KDM6A: variants seen among roughly 807,000 people sequenced by gnomAD.
KDM6A encodes lysine demethylase 6A.
KDM6A carries 11 observed loss-of-function variants against 117.6 expected under a neutral mutation model. The ratio of observed to expected loss-of-function variants is 0.09; its 90% CI spans 0.06 to 0.15. The LOEUF (loss-of-function observed/expected upper bound fraction) is 0.15, where lower values mean the gene tolerates loss of function less well. Among genes scored for constraint, KDM6A ranks in the 10% least tolerant of loss-of-function variants. The pLI is 1.00. For synonymous variants in KDM6A, 384 were observed against 396.1 expected (o/e 0.97, Z 0.36); for missense variants, 799 against 1,077.3 (o/e 0.74, Z 3.62).
intron 2 of KDM6A, among the ~76,000 whole-genome samples, chrX:44,891,628 T>C (rs939215237): frequency 1.8e-5 from 2 of 111,946 alleles, no homozygotes; most frequent in Admixed American, 9.6e-5. Context: ...AGGCCATTTT[T>C]ATACTTTCTG....
chrX:45,060,123 C>T lies in KDM6A; in HGVS notation c.1296C>T (p.Thr432=), dbSNP rs2147966571. 2 of 1,211,580 alleles carry T rather than the reference C, an allele frequency of 1.7e-6. No homozygotes were observed. Among genetic ancestry groups the T allele is most frequent in the Non-Finnish European group, 2.2e-6 (2 of 895,402 alleles). The part of the protein sequence containing the change: ...AWSLPIPAEL[T]SRQGAMNTAQ... ...GCCTACCAATTCCCGCAGAGCTTAC[C>T]TCCAGGCAGGGTGCCATGAACACAG... The change falls in exon 13 of 30, where the codon ACC becomes ACT. Residue 432 remains threonine (T), a synonymous_variant. Transcript: ENST00000611820.
chrX:44,892,854 T>G (rs1344327132), intron 2 of KDM6A, among the ~76,000 whole-genome samples: 7 of 107,858 alleles, frequency 6.5e-5, no homozygotes, highest in Admixed American at 4.0e-4. Context: ...AATACAAAAG[T>G]TAGCCAGGCG....
At chrX:45,080,140 T>G (rs185434551) in intron 21 of KDM6A, among the ~76,000 whole-genome samples, 1 of 111,028 alleles carries the variant, frequency 9.0e-6, no homozygotes, top group African/African-American at 3.3e-5. Flanking sequence ...AACTACTGAT[T>G]TAGAGGATAA....
chrX:45,022,945 G>A (rs1040498828), intron 6 of KDM6A, among the ~76,000 whole-genome samples: 3 of 112,249 alleles, frequency 2.7e-5, no homozygotes, highest in Non-Finnish European at 3.8e-5. Flanking sequence ...TCTGCTTAGT[G>A]TAATGCTGGC....
intron 6 of KDM6A, among the ~76,000 whole-genome samples, chrX:45,024,961 T>C (rs751914483): frequency 4.5e-5 from 5 of 112,193 alleles, no homozygotes; most frequent in Non-Finnish European, 9.4e-5. Context: ...TATGGTGTTA[T>C]TTTTACATTA....
intron 18 of KDM6A, among the ~76,000 whole-genome samples, chrX:45,074,276 TCTG>T (rs1462576245): frequency 1.8e-5 from 2 of 111,645 alleles, no homozygotes; most frequent in Non-Finnish European, 3.8e-5. Flanking sequence ...TGGTCCAAAA[TCTG>T]CTTCTTTCTT....
At chrX:45,050,751 C>G (rs1290959581) in intron 8 of KDM6A, among the ~76,000 whole-genome samples, 1 of 110,254 alleles carries the variant, frequency 9.1e-6, no homozygotes, top group South Asian at 3.8e-4. Flanking sequence ...GGTTTGTAAC[C>G]ATAGCAATAA....
chrX:44,914,807 G>A (rs1383007152), intron 2 of KDM6A, among the ~76,000 whole-genome samples: 1 of 110,488 alleles, frequency 9.1e-6, no homozygotes, highest in African/African-American at 3.3e-5. Context: ...AAAGTGGGTG[G>A]CATTAGCAAA....
intron 3 of KDM6A, among the ~76,000 whole-genome samples, chrX:44,962,744 T>C (rs2038742260): frequency 8.9e-6 from 1 of 112,109 alleles, no homozygotes; most frequent in Non-Finnish European, 1.9e-5. Context: ...AGTAGCATTA[T>C]GTCTAAAAAA....
chrX:45,043,769 CTG>C (rs955717721), intron 8 of KDM6A, among the ~76,000 whole-genome samples: 2 of 110,204 alleles, frequency 1.8e-5, no homozygotes, highest in African/African-American at 6.6e-5. Context: ...CAGAGTGAGA[CTG>C]TTTAAAGAAA....
intron 8 of KDM6A, among the ~76,000 whole-genome samples, chrX:45,042,392 A>G (rs1479747642): frequency 9.1e-6 from 1 of 109,301 alleles, no homozygotes; most frequent in African/African-American, 3.4e-5. Flanking sequence ...TTATTAGGTG[A>G]CACTGTAAGT....
At chrX:44,881,602 T>A (rs1306694232) in intron 2 of KDM6A, among the ~76,000 whole-genome samples, 1 of 111,543 alleles carries the variant, frequency 9.0e-6, no homozygotes, top group Non-Finnish European at 1.9e-5. Context: ...TTTGTTTACT[T>A]CTGTATATTA....
chrX:44,931,973 T>G (rs541816267), intron 2 of KDM6A, among the ~76,000 whole-genome samples: 1 of 110,051 alleles, frequency 9.1e-6, no homozygotes, highest in South Asian at 3.9e-4. Context: ...GGATGCCTGC[T>G]TGAACCTGCT....
chrX:45,073,049 T>C (rs1482935125), intron 18 of KDM6A, among the ~76,000 whole-genome samples: 1 of 109,229 alleles, frequency 9.2e-6, no homozygotes, highest in East Asian at 2.9e-4. Flanking sequence ...CAGGCCCCGG[T>C]GTGTGATGTT....
At chrX:45,095,582 G>C (rs1017387432) in intron 27 of KDM6A, among the ~76,000 whole-genome samples, 1 of 111,701 alleles carries the variant, frequency 9.0e-6, no homozygotes, top group Admixed American at 9.5e-5. Flanking sequence ...TCATTGCTCT[G>C]GTCTTCAAGT....
At chrX:44,911,693 T>C (rs2035185207) in intron 2 of KDM6A, among the ~76,000 whole-genome samples, 2 of 111,104 alleles carry the variant, frequency 1.8e-5, no homozygotes, top group African/African-American at 6.5e-5. Flanking sequence ...AGGTGGAGGT[T>C]GTAGCGAGCC....
At chrX:45,001,986 GT>G (rs911381280) in intron 4 of KDM6A, among the ~76,000 whole-genome samples, 2 of 111,306 alleles carry the variant, frequency 1.8e-5, no homozygotes, top group African/African-American at 6.6e-5. Flanking sequence ...AAGACTTTTA[GT>G]TTTGAAGGAA....
intron 2 of KDM6A, among the ~76,000 whole-genome samples, chrX:44,889,251 G>C (rs995862999): frequency 8.9e-6 from 1 of 112,015 alleles, no homozygotes; most frequent in African/African-American, 3.2e-5. Flanking sequence ...CTGACCTCAG[G>C]TGATCCACTT....
intron 2 of KDM6A, 35 bp from the exon 3 acceptor site, chrX:44,961,243 CTTTATT>C (rs761908412): frequency 1.1e-5 from 11 of 979,141 alleles, no homozygotes; most frequent in Non-Finnish European, 1.4e-5. Flanking sequence ...TATTTTAGGG[CTTTATT>C]TTTTGCTTAC....
Sources: gnomAD v4.1 joint callset for allele counts (sites outside exome capture counted in the v4.1 genomes callset) on GRCh38, gnomAD v4.1.1 for gene constraint, MANE v1.5 for transcripts, NCBI Gene and HGNC (gene_info 2026-07-23, HGNC 2026-07-21) for gene names.